CTNNA2: variants seen among roughly 807,000 people sequenced by gnomAD.
The protein encoded by CTNNA2 is catenin alpha-2.
CTNNA2 carries 42 observed loss-of-function variants against 101.0 expected under a neutral mutation model. That is an observed-to-expected ratio of 0.42 (90% CI 0.32 to 0.54). The LOEUF (loss-of-function observed/expected upper bound fraction) is 0.54, where lower values mean the gene tolerates loss of function less well. CTNNA2 is among the 20% of genes least tolerant of loss of function. The pLI, the probability that CTNNA2 is intolerant of heterozygous loss-of-function variation, is 0.14. For synonymous variants in CTNNA2, 450 were observed against 456.4 expected, an observed-to-expected ratio of 0.99 and a Z score of 0.18; for missense variants, 871 against 1,223.1, an observed-to-expected ratio of 0.71 and a Z score of 4.29.
intron 7 of CTNNA2, among the ~76,000 whole-genome samples, chr2:80,113,800 A>T (rs1573118696): frequency 6.6e-6 from 1 of 152,226 alleles, no homozygotes; most frequent in Non-Finnish European, 1.5e-5. Context: ...TGCAAGTACT[A>T]TCTGGTAAGG....
At chr2:79,705,279 C>T (rs1685279348) in intron 2 of CTNNA2, among the ~76,000 whole-genome samples, 1 of 151,942 alleles carries the variant, frequency 6.6e-6, no homozygotes, top group African/African-American at 2.4e-5. Flanking sequence ...TAACTGTGGT[C>T]CAAGAATATT....
At chr2:80,026,694 A>G (rs1335043434) in intron 7 of CTNNA2, among the ~76,000 whole-genome samples, 2 of 152,114 alleles carry the variant, frequency 1.3e-5, no homozygotes, top group African/African-American at 4.8e-5. Context: ...ACTGGAAAGG[A>G]CCTTGTTTGT....
rs994826488 is a variant in CTNNA2, at chr2:79,406,548, G to C, written c.-135+32535G>C. Among the ~76,000 whole-genome samples the C allele has an allele frequency of 3.9e-5, 6 of 151,922 alleles. No homozygotes were observed. The South Asian group carries it at 1.2e-3, about 32-fold the overall frequency. On this transcript the variant is annotated intron_variant, in intron 4 of 21. Coordinates refer to the CTNNA2 transcript ENST00000466387. ...ATCTCCTCAAGGGCATCCTACTGGT[G>C]CATAGTCTTATGCAGCTGTCTTAGG...
At chr2:79,613,590 GAGA>G (rs1359926107) in intron 1 of CTNNA2, among the ~76,000 whole-genome samples, 5 of 152,220 alleles carry the variant, frequency 3.3e-5, no homozygotes, top group South Asian at 4.1e-4. Flanking sequence ...CGAAATGATA[GAGA>G]AGGATAGACT....
At chr2:79,948,557 GATATTGATGTGAGAGAGCT>G (rs1352584440) in intron 7 of CTNNA2, among the ~76,000 whole-genome samples, 1 of 152,234 alleles carries the variant, frequency 6.6e-6, no homozygotes, top group Non-Finnish European at 1.5e-5. Flanking sequence ...TAAAAGAGAA[GATATTGATGTGAGAGAGCT>G]AAGCTCTGAC....
At chr2:79,742,243 C>T (rs947019318) in intron 2 of CTNNA2, among the ~76,000 whole-genome samples, 6 of 152,212 alleles carry the variant, frequency 3.9e-5, no homozygotes, top group South Asian at 4.1e-4. Flanking sequence ...ACATTATAGT[C>T]GTGTAGCAAT....
intron 2 of CTNNA2, among the ~76,000 whole-genome samples, chr2:79,236,578 A>G (rs1163559204): frequency 2.6e-5 from 4 of 152,194 alleles, no homozygotes; most frequent in African/African-American, 9.7e-5. Flanking sequence ...CTAGCATTCA[A>G]TGCTGTCTGA....
intron 18 of CTNNA2, among the ~76,000 whole-genome samples, chr2:80,622,630 G>T (rs1476494425): frequency 6.6e-6 from 1 of 151,880 alleles, no homozygotes; most frequent in Admixed American, 6.6e-5. Flanking sequence ...ATTTGGGTAT[G>T]ATTTATTCAC....
intron 6 of CTNNA2, among the ~76,000 whole-genome samples, chr2:79,899,545 C>T (rs979651255): frequency 3.3e-5 from 5 of 152,134 alleles, no homozygotes; most frequent in African/African-American, 4.8e-5. Flanking sequence ...TTCTCAAAAA[C>T]GAAGCTAATG....
At chr2:80,371,942 C>T (rs187220635) in intron 7 of CTNNA2, among the ~76,000 whole-genome samples, 9 of 152,168 alleles carry the variant, frequency 5.9e-5, no homozygotes, top group Admixed American at 2.0e-4. Context: ...CATGAAATGA[C>T]GTAAAATAGC....
chr2:79,321,854 T>A (rs1379866060), intron 3 of CTNNA2, among the ~76,000 whole-genome samples: 2 of 151,592 alleles, frequency 1.3e-5, no homozygotes, highest in East Asian at 3.9e-4. Context: ...AACACACACA[T>A]TCTCAGAGCA....
chr2:80,143,937 A>G (rs2148914973), intron 7 of CTNNA2, among the ~76,000 whole-genome samples: 1 of 152,272 alleles, frequency 6.6e-6, no homozygotes, highest in South Asian at 2.1e-4. Context: ...TAAAGCAGTC[A>G]CATCTCATGT....
Position 80,175,632 on chromosome 2 carries a change from G to A in CTNNA2, c.1057-217579G>A, listed in dbSNP as rs192955741. 1.8e-4 allele frequency among the ~76,000 whole-genome samples: 28 copies of A among 152,184 alleles called. No homozygotes were observed. The East Asian group carries it at 3.7e-3, about 20-fold the overall frequency. On this transcript the variant is annotated intron_variant, in intron 7 of 18. Coordinates refer to ENST00000402739, the MANE Select transcript of CTNNA2 (RefSeq NM_001282597.3). ...GTTGTCTAGAGGGATAGGACTAATC[G>A]GATAAATGTATATATGAAAGGGAGT...
chr2:80,094,198 G>C (rs886940500), intron 7 of CTNNA2, among the ~76,000 whole-genome samples: 1 of 152,084 alleles, frequency 6.6e-6, no homozygotes, highest in Non-Finnish European at 1.5e-5. Flanking sequence ...TATAAGGAAG[G>C]GATCCAGTTT....
chr2:80,266,212 G>A (rs188378124), intron 7 of CTNNA2, among the ~76,000 whole-genome samples: 13 of 152,326 alleles, frequency 8.5e-5, no homozygotes, highest in Non-Finnish European at 1.6e-4. Flanking sequence ...TTCCCCAAAC[G>A]TATTAGAGTG....
intron 1 of CTNNA2, among the ~76,000 whole-genome samples, chr2:79,516,236 A>G (rs1372353892): frequency 6.6e-6 from 1 of 152,240 alleles, no homozygotes; most frequent in Non-Finnish European, 1.5e-5. Flanking sequence ...ACTTGGTACA[A>G]ACAAAACATG....
At chr2:79,329,784 G>A (rs748011953) in intron 3 of CTNNA2, among the ~76,000 whole-genome samples, 6 of 152,144 alleles carry the variant, frequency 3.9e-5, no homozygotes, top group Non-Finnish European at 5.9e-5. Context: ...TTTGGGAAGT[G>A]TTTTACCCAT....
intron 2 of CTNNA2, among the ~76,000 whole-genome samples, chr2:79,235,942 C>A (rs770746606): frequency 6.6e-6 from 1 of 152,078 alleles, no homozygotes; most frequent in Admixed American, 6.6e-5. Context: ...ACCCCACTGG[C>A]TGAGTTTAGG....
intron 8 of CTNNA2, among the ~76,000 whole-genome samples, chr2:80,402,166 T>A (rs1678612465): frequency 6.6e-6 from 1 of 152,116 alleles, no homozygotes; most frequent in Non-Finnish European, 1.5e-5. Context: ...TAAAGAATAT[T>A]CAGGTGAGCA....
Sources: gnomAD v4.1 joint callset for allele counts (sites outside exome capture counted in the v4.1 genomes callset) on GRCh38, gnomAD v4.1.1 for gene constraint, MANE v1.5 for transcripts, NCBI Gene and HGNC (gene_info 2026-07-23, HGNC 2026-07-21) for gene names.